RAPGEF4: variants seen among roughly 807,000 people sequenced by gnomAD.
RAPGEF4 encodes Rap guanine nucleotide exchange factor 4, also known as RAP guanine-nucleotide-exchange factor (GEF) 4.
Under a neutral mutation model 147.9 loss-of-function variants are expected in RAPGEF4, and 66 were observed. The observed-to-expected ratio is 0.45, with a 90% confidence interval of 0.37 to 0.55. The LOEUF is 0.55. RAPGEF4 is among the 20% of genes least tolerant of loss of function. The probability of loss-of-function intolerance (pLI) is 0.00; values close to 1 mark genes in which losing one functional copy is unlikely to be tolerated. For missense variants in RAPGEF4, 1,071 were observed against 1,257.3 expected, an observed-to-expected ratio of 0.85 and a Z score of 2.24; for synonymous variants, 419 against 442.7, an observed-to-expected ratio of 0.95 and a Z score of 0.67.
rs374861240 is a variant in RAPGEF4, at chr2:173,030,152, C to A, written c.2559-12C>A. ...TAACATTTTACTCAAACACGCATCT[C>A]CTGTGTTTCAGCTGTAAGGAGTATA... is the stretch of plus-strand genomic sequence containing the variant. On this transcript the variant is annotated splice_polypyrimidine_tract_variant and intron_variant, in intron 25 of 30. Transcript: ENST00000397081. 101 of 1,572,978 alleles carry A rather than the reference C, an allele frequency of 6.4e-5. No individual in the cohort carries two copies. Among genetic ancestry groups the A allele is most frequent in the Non-Finnish European group, 8.0e-5 (92 of 1,142,922 alleles).
At chr2:172,784,489 G>A (rs1474119124) in intron 1 of RAPGEF4, among the ~76,000 whole-genome samples, 2 of 150,012 alleles carry the variant, frequency 1.3e-5, no homozygotes, top group Non-Finnish European at 3.0e-5. Context: ...CTGCACTCCA[G>A]CCTGGGCAAC....
At chr2:172,999,482 C>T (rs1305905331) in intron 16 of RAPGEF4, among the ~76,000 whole-genome samples, 1 of 152,184 alleles carries the variant, frequency 6.6e-6, no homozygotes, top group South Asian at 2.1e-4. Flanking sequence ...TAAAAATGCA[C>T]ACTGCTGAAT....
chr2:172,781,822 G>A (rs562527752), intron 1 of RAPGEF4, among the ~76,000 whole-genome samples: 1 of 152,108 alleles, frequency 6.6e-6, no homozygotes, highest in East Asian at 1.9e-4. Context: ...AATGTAAACA[G>A]GATGCAAATA....
At chr2:172,895,703 G>T (rs72908248) in intron 4 of RAPGEF4, among the ~76,000 whole-genome samples, 1 of 152,090 alleles carries the variant, frequency 6.6e-6, no homozygotes, top group Admixed American at 6.6e-5. Flanking sequence ...GTCACCAAGG[G>T]CACTCAGAGA....
chr2:172,828,789 C>T (rs952422526), intron 4 of RAPGEF4, among the ~76,000 whole-genome samples: 4 of 152,168 alleles, frequency 2.6e-5, no homozygotes, highest in Admixed American at 6.5e-5. Context: ...TTCAAGACAA[C>T]GCCTCCCAGT....
At chr2:172,787,560 A>T (rs1685334859) in intron 1 of RAPGEF4, among the ~76,000 whole-genome samples, 1 of 152,038 alleles carries the variant, frequency 6.6e-6, no homozygotes, top group South Asian at 2.1e-4. Flanking sequence ...GAATGAATAG[A>T]TAAATGAAGG....
chr2:173,050,701 C>A (rs1369911728), intron 30 of RAPGEF4, among the ~76,000 whole-genome samples: 5 of 148,840 alleles, frequency 3.4e-5, no homozygotes, highest in African/African-American at 1.2e-4. Flanking sequence ...AATAATGTCA[C>A]CATTTTAAAA....
chr2:173,048,776 C>A, intron 30 of RAPGEF4, 122 bp downstream of exon 30: 1 of 1,494,108 alleles, frequency 6.7e-7, no homozygotes, highest in South Asian at 1.4e-5. Flanking sequence ...CACTTTGGAC[C>A]ATGAATTCCA....
intron 12 of RAPGEF4, among the ~76,000 whole-genome samples, chr2:172,986,258 C>T (rs961018612): frequency 2.0e-5 from 3 of 152,348 alleles, no homozygotes; most frequent in African/African-American, 7.2e-5. Flanking sequence ...GAGAAATGAT[C>T]ACCACGTTTA....
chr2:172,963,767 G>C (rs539514592), intron 8 of RAPGEF4, among the ~76,000 whole-genome samples: 1 of 152,100 alleles, frequency 6.6e-6, no homozygotes, highest in South Asian at 2.1e-4. Flanking sequence ...TCTCCCTCCT[G>C]CTTCTCACTC....
intron 4 of RAPGEF4, among the ~76,000 whole-genome samples, chr2:172,866,856 T>C (rs1694705445): frequency 6.6e-6 from 1 of 152,122 alleles, no homozygotes; most frequent in African/African-American, 2.4e-5. Flanking sequence ...CATTCTTCGA[T>C]AGTCTAGTGT....
intron 2 of RAPGEF4, among the ~76,000 whole-genome samples, chr2:172,795,588 G>C (rs1686281570): frequency 6.6e-6 from 1 of 152,216 alleles, no homozygotes; most frequent in African/African-American, 2.4e-5. Context: ...TGAATAAGGG[G>C]CAGGGAGATA....
chr2:172,774,589 A>G (rs1683975280), intron 1 of RAPGEF4, among the ~76,000 whole-genome samples: 1 of 152,232 alleles, frequency 6.6e-6, no homozygotes, highest in Non-Finnish European at 1.5e-5. Context: ...ATGGTGTGGA[A>G]AGCTGAGCAT....
Position 173,046,383 on chromosome 2 carries a change from A to ATT in RAPGEF4, c.2854-2217_2854-2216insTT, listed in dbSNP as rs1195743770. ...CAGAATGAAATGTTTTAGCTTTCAA[A>ATT]ACTAAAAAGCAGAACAATTACTCCC... On this transcript the variant is annotated intron_variant, in intron 29 of 30. Coordinates refer to ENST00000397081, the MANE Select transcript of RAPGEF4 (RefSeq NM_007023.4). 2.5e-3 allele frequency among the ~76,000 whole-genome samples: 383 copies of ATT among 152,332 alleles called. 1 individual carries two copies. The highest frequency in any genetic ancestry group is 8.2e-3 in the African/African-American group (342 of 41,572).
chr2:173,020,800 T>C (rs1300627626), intron 23 of RAPGEF4, 85 bp downstream of exon 23: 13 of 1,044,882 alleles, frequency 1.2e-5, no homozygotes, highest in Non-Finnish European at 1.7e-5. Flanking sequence ...CTGAACCCAG[T>C]GGCTAAAAAA....
intron 1 of RAPGEF4, among the ~76,000 whole-genome samples, chr2:172,776,896 A>C (rs1684226142): frequency 6.6e-6 from 1 of 152,078 alleles, no homozygotes. Flanking sequence ...CTGGTTTGCT[A>C]TTTCAACATT....
Position 172,898,427 on chromosome 2 carries a change from G to GC in RAPGEF4, c.445-19369dup, listed in dbSNP as rs993425778. ...GAGTAGCTCAGGTGCTTGCTTTTTT[G>GC]CCCCCCACCATTTTCTCTTAATACC... On this transcript the variant is annotated intron_variant, in intron 4 of 30. Transcript: ENST00000397081. 4.0e-5 allele frequency among the ~76,000 whole-genome samples: 6 copies of GC among 151,872 alleles called. No homozygotes were observed. The East Asian group carries it at 1.2e-3, about 29-fold the overall frequency.
chr2:172,870,591 A>G (rs1041158990), intron 4 of RAPGEF4, among the ~76,000 whole-genome samples: 2 of 152,120 alleles, frequency 1.3e-5, no homozygotes, highest in Non-Finnish European at 2.9e-5. Flanking sequence ...CTATGGCTTC[A>G]GTAACAAAGT....
At chr2:172,945,674 A>G (rs780906444) in intron 6 of RAPGEF4, among the ~76,000 whole-genome samples, 5 of 152,130 alleles carry the variant, frequency 3.3e-5, no homozygotes, top group African/African-American at 4.8e-5. Context: ...GGGAGTTACT[A>G]TGCTATTAAA....
Sources: gnomAD v4.1 joint callset for allele counts (sites outside exome capture counted in the v4.1 genomes callset) on GRCh38, gnomAD v4.1.1 for gene constraint, MANE v1.5 for transcripts, NCBI Gene and HGNC (gene_info 2026-07-23, HGNC 2026-07-21) for gene names.